USP42: variants seen among roughly 807,000 people sequenced by gnomAD.
The protein encoded by USP42 is ubiquitin specific peptidase 42, also known as ubiquitin carboxyl-terminal hydrolase 42.
Under a neutral mutation model 113.0 loss-of-function variants are expected in USP42, and 23 were observed. The ratio of observed to expected loss-of-function variants is 0.20; its 90% confidence interval spans 0.15 to 0.29. The LOEUF (loss-of-function observed/expected upper bound fraction) is 0.29. Ranked by LOEUF, USP42 falls within the 10% of genes least tolerant of loss-of-function variation. The pLI is 1.00. For synonymous variants in USP42, 933 were observed against 699.0 expected (o/e 1.33, Z -5.28); for missense variants, 2,174 against 1,779.8 (o/e 1.22, Z -3.99).
intron 3 of USP42, among the ~76,000 whole-genome samples, chr7:6,131,821 A>C (rs1322852281): frequency 6.6e-6 from 1 of 152,030 alleles, no homozygotes; most frequent in Non-Finnish European, 1.5e-5. Flanking sequence ...AATGGTCAGG[A>C]TTTGTTGTAC....
chr7:6,141,258 A>G (rs760913096), intron 7 of USP42, among the ~76,000 whole-genome samples: 1 of 135,904 alleles, frequency 7.4e-6, no homozygotes, highest in African/African-American at 2.8e-5. Flanking sequence ...GCTGGCATGC[A>G]GTGGCGTGAT....
chr7:6,113,910 T>G (rs950546296), intron 2 of USP42, among the ~76,000 whole-genome samples: 2 of 152,194 alleles, frequency 1.3e-5, no homozygotes, highest in East Asian at 1.9e-4. Flanking sequence ...CATGAGCCAC[T>G]GTGCCCGACC....
chr7:6,112,056 G>C (rs1779625167), intron 2 of USP42: 1 of 152,100 alleles, frequency 6.6e-6, no homozygotes, highest in South Asian at 2.1e-4. Context: ...TTGTAAAATG[G>C]TTGTCTTTTG....
chr7:6,104,329 GCCTCGGCCT>G (rs1474448193), upstream of USP42, among the ~76,000 whole-genome samples: 1 of 151,966 alleles, frequency 6.6e-6, no homozygotes, highest in Non-Finnish European at 1.5e-5. Context: ...TGATCCGCCC[GCCTCGGCCT>G]CCCAGAATGC....
intron 3 of USP42, among the ~76,000 whole-genome samples, chr7:6,124,505 C>T (rs942636034): frequency 1.3e-5 from 2 of 152,124 alleles, no homozygotes; most frequent in Non-Finnish European, 2.9e-5. Flanking sequence ...ACCTCGTGAT[C>T]TGCCTGCCTC....
upstream of USP42, among the ~76,000 whole-genome samples, chr7:6,103,616 T>G (rs1386865132): frequency 1.3e-5 from 2 of 149,856 alleles, no homozygotes; most frequent in East Asian, 3.9e-4. Context: ...GAAGGCTGCA[T>G]CAGGTCTTGG....
intron 12 of USP42, 130 bp downstream of exon 12, chr7:6,148,022 C>G (rs1431447805): frequency 1.0e-6 from 1 of 989,518 alleles, no homozygotes; most frequent in Non-Finnish European, 1.5e-6. Flanking sequence ...TTTAATCAAA[C>G]CCTCTTACAC....
At chr7:6,142,240 G>A (rs1251237989) in intron 7 of USP42, among the ~76,000 whole-genome samples, 22 of 109,638 alleles carry the variant, frequency 2.0e-4, no homozygotes, top group African/African-American at 8.5e-4. Flanking sequence ...TTTTTGAGAC[G>A]GAGTCCTGCT....
rs1045074657 is a variant in USP42, at chr7:6,158,786, T to C, written c.3944-664T>C. Reference sequence around the variant, plus strand: ...CCCGAGGATCCGAGGATGCAGTGGATGGGCTCATTCTGAGTGTGGTGCAGG... The same window carrying C: ...CCCGAGGATCCGAGGATGCAGTGGACGGGCTCATTCTGAGTGTGGTGCAGG... On this transcript the variant is annotated intron_variant, in intron 16 of 17. Coordinates refer to ENST00000306177, the MANE Select transcript of USP42 (RefSeq NM_032172.3). This position sits in a 1 kb window ranked among gnomAD's most constrained non-coding sequence, Gnocchi z 4.2. 2.0e-5 allele frequency among the ~76,000 whole-genome samples: 3 copies of C among 152,280 alleles called. No homozygotes were observed. The highest frequency in any genetic ancestry group is 6.5e-5 in the Admixed American group (1 of 15,292).
At position 6,154,085 on chromosome 7, in the gene USP42, G is replaced by C. The variant is rs1404461529; in HGVS notation, c.2531G>C (p.Arg844Pro). Residue 844 changes from arginine to proline, a missense_variant, in exon 15 of 18, where the codon CGG becomes CCG. Arg to Pro is a moderately radical substitution (Grantham distance 103). Coordinates refer to ENST00000306177, the MANE Select transcript of USP42 (RefSeq NM_032172.3). ...DAKGMIAEGP[R>P]DSALAEAPEG... ...AAGGGGATGATCGCGGAGGGCCCGC[G>C]GGACTCGGCGTTGGCGGAAGCCCCG... 1.2e-6 allele frequency: 2 copies of C among 1,605,692 alleles called. No individual in the cohort carries two copies. The highest frequency in any genetic ancestry group is 2.2e-5 in the South Asian group (2 of 90,998).
At position 6,159,972 on chromosome 7, in the gene USP42, C is replaced by CA. The variant is rs1192130884; in HGVS notation, c.*36+483dup. 2.0e-5 allele frequency among the ~76,000 whole-genome samples: 3 copies of CA among 152,256 alleles called. No individual in the cohort carries two copies. The highest frequency in any genetic ancestry group is 7.2e-5 in the African/African-American group (3 of 41,468). ...CAGCACCCCCCCAGCAGCCACCGTACAAAACCATAGGAAGGTGGCCCAGGG... is the reference window on the plus strand; with the variant it reads ...CAGCACCCCCCCAGCAGCCACCGTACAAAAACCATAGGAAGGTGGCCCAGGG... On this transcript the variant is annotated intron_variant, in intron 17 of 17. Transcript: ENST00000306177. This position sits in a 1 kb window ranked among gnomAD's most constrained non-coding sequence, Gnocchi z 4.1.
At chr7:6,086,536 G>C in the USP42 span, among the ~76,000 whole-genome samples, 10 of 150,896 alleles carry the variant, frequency 6.6e-5, no homozygotes, top group Non-Finnish European at 1.5e-4. Context: ...TTTTAGTAGA[G>C]ACTAGTTTTC....
rs766341836 is a variant in USP42 at position 6,143,022 on chromosome 7, G to A, written c.878+8G>A. 4.3e-6 allele frequency: 7 copies of A among 1,613,888 alleles called. No homozygotes were observed. Among genetic ancestry groups the A allele is most frequent in the South Asian group, 1.1e-5 (1 of 91,086 alleles). ...CTCGTACAAGTGCAGCAAGTACGTT[G>A]GGTGGTGACTTGATTCTTGATGCCG... On this transcript the variant is annotated splice_region_variant and intron_variant, in intron 8 of 17. Transcript: ENST00000306177.
the USP42 span, among the ~76,000 whole-genome samples, chr7:6,092,026 CTTCT>C: frequency 9.1e-6 from 1 of 109,642 alleles, no homozygotes; most frequent in Admixed American, 1.0e-4. Context: ...TCTTCTTCTT[CTTCT>C]TCTTCTTCTT....
intron 3 of USP42, among the ~76,000 whole-genome samples, chr7:6,118,477 G>A (rs1226239217): frequency 6.6e-6 from 1 of 151,834 alleles, no homozygotes; most frequent in African/African-American, 2.4e-5. Context: ...AGCCATGATT[G>A]TGCCACTTTA....
chr7:6,100,270 C>T (rs945956315), upstream of USP42, among the ~76,000 whole-genome samples: 3 of 150,820 alleles, frequency 2.0e-5, no homozygotes, highest in Admixed American at 1.3e-4. Context: ...TAGATGGGCG[C>T]CTGATACTGT....
chr7:6,148,067 G>A (rs540833263), intron 12 of USP42, among the ~76,000 whole-genome samples, 175 bp downstream of exon 12: 7 of 152,384 alleles, frequency 4.6e-5, no homozygotes, highest in African/African-American at 7.2e-5. Context: ...GCCGAGCGCA[G>A]TGGCTCAAGC....
the USP42 span, chr7:6,085,181 A>G: frequency 6.6e-6 from 1 of 150,674 alleles, no homozygotes; most frequent in African/African-American, 2.5e-5. Flanking sequence ...GTGCAGTGAC[A>G]TGATCTTCAC....
At chr7:6,135,246 G>A (rs1224338252) in intron 3 of USP42, among the ~76,000 whole-genome samples, 1 of 152,158 alleles carries the variant, frequency 6.6e-6, no homozygotes, top group Non-Finnish European at 1.5e-5. Flanking sequence ...CCAATTATGT[G>A]TCTGTCCCAT....
Sources: allele counts gnomAD v4.1 joint callset (sites outside exome capture counted in the v4.1 genomes callset), GRCh38; gene constraint gnomAD v4.1.1; non-coding constraint Gnocchi (gnomAD v3.1); transcripts MANE v1.5; gene names NCBI Gene and HGNC (gene_info 2026-07-23, HGNC 2026-07-21).